Variants in TCF7L2 observed in about 807,000 individuals in gnomAD.
TCF7L2 encodes transcription factor 7 like 2, also known as transcription factor 7-like 2.
TCF7L2 carries 23 observed loss-of-function variants against 77.9 expected under a neutral mutation model. That is an observed-to-expected ratio of 0.30 (90% CI 0.21 to 0.42). The LOEUF (loss-of-function observed/expected upper bound fraction) is 0.42. Among genes scored for constraint, TCF7L2 ranks in the 10% least tolerant of loss-of-function variants. The probability of loss-of-function intolerance (pLI) is 1.00; values close to 1 mark genes in which losing one functional copy is unlikely to be tolerated. For synonymous variants in TCF7L2, 413 were observed against 340.2 expected (o/e 1.21, Z -2.36); for missense variants, 654 against 793.1 (o/e 0.82, Z 2.11).
At chr10:113,135,365 G>A (rs935536460) in intron 5 of TCF7L2, among the ~76,000 whole-genome samples, 2 of 152,156 alleles carry the variant, frequency 1.3e-5, no homozygotes, top group African/African-American at 4.8e-5. Context: ...TGCCTTGAGG[G>A]CTGTTAAAGG....
At chr10:112,964,745 GTGGTGGTGGTGGTGA>G (rs2036161884) in intron 4 of TCF7L2, 121 bp downstream of exon 4, 15 of 731,102 alleles carry the variant, frequency 2.1e-5, no homozygotes, top group African/African-American at 1.7e-4. Context: ...GATGATGGTG[GTGGTGGTGGTGGTGA>G]TGGTGGTGGT....
At chr10:113,005,875 G>T (rs1225494863) in intron 4 of TCF7L2, among the ~76,000 whole-genome samples, 2 of 152,166 alleles carry the variant, frequency 1.3e-5, no homozygotes, top group Admixed American at 6.5e-5. Flanking sequence ...TCTTTGAACT[G>T]TCTGGGCCGG....
At chr10:112,981,578 G>C (rs2040477731) in intron 4 of TCF7L2, among the ~76,000 whole-genome samples, 1 of 152,100 alleles carries the variant, frequency 6.6e-6, no homozygotes, top group Non-Finnish European at 1.5e-5. Context: ...TGGAATTTTT[G>C]GTCAAGATCA....
At chr10:113,051,238 CACACAGACACATACAT>C (rs1401142446) in intron 5 of TCF7L2, among the ~76,000 whole-genome samples, 3 of 143,058 alleles carry the variant, frequency 2.1e-5, no homozygotes, top group Non-Finnish European at 4.7e-5. Context: ...CACACACACA[CACACAGACACATACAT>C]ATGCACACAC....
In TCF7L2 at chr10:113,165,893, C is replaced by A. The variant is rs1408225958; in HGVS notation, c.1730C>A (p.Thr577Asn). Residue 577 changes from threonine (T) to asparagine (N), a missense_variant, in exon 14 of 14, where the codon ACT becomes AAT. Transcript: ENST00000627217. The stretch of plus-strand genomic sequence containing the variant: ...TCCTCATCAATTGCACAGCCGTCGA[C>A]TTCTTCCTTACATTCCCACAGCTCC... 6.2e-7 allele frequency: 1 copy of A among 1,600,778 alleles called. No homozygotes were observed. Among genetic ancestry groups the A allele is most frequent in the Non-Finnish European group, 8.5e-7 (1 of 1,172,744 alleles).
chr10:113,016,355 G>A (rs1264656314), intron 4 of TCF7L2, among the ~76,000 whole-genome samples: 7 of 152,130 alleles, frequency 4.6e-5, no homozygotes, highest in African/African-American at 1.4e-4. Context: ...GCATGAGCCT[G>A]GCTGGTGTAT....
chr10:113,036,680 CTTTCTTTCT>C (rs1185599300), intron 4 of TCF7L2, among the ~76,000 whole-genome samples: 1 of 151,816 alleles, frequency 6.6e-6, no homozygotes, highest in African/African-American at 2.4e-5. Flanking sequence ...TTCTTTCTTT[CTTTCTTTCT>C]TTTTTTTTAA....
At chr10:113,100,585 C>T (rs910785239) in intron 5 of TCF7L2, among the ~76,000 whole-genome samples, 3 of 152,124 alleles carry the variant, frequency 2.0e-5, no homozygotes, top group African/African-American at 7.2e-5. Flanking sequence ...ATTCTCTCAT[C>T]CTCCCCGCTG....
intron 3 of TCF7L2, among the ~76,000 whole-genome samples, chr10:112,961,171 G>A (rs1395297091): frequency 6.8e-6 from 1 of 146,664 alleles, no homozygotes; most frequent in African/African-American, 2.6e-5. Flanking sequence ...GCGCCACCAC[G>A]CCCGGCTAAT....
intron 5 of TCF7L2, among the ~76,000 whole-genome samples, chr10:113,084,553 G>A (rs1251052132): frequency 1.6e-4 from 25 of 152,136 alleles, no homozygotes; most frequent in Admixed American, 1.6e-3. Context: ...GAAACATCCA[G>A]AATAGTGTAT....
At chr10:113,165,127 A>G (rs1285533078) in intron 13 of TCF7L2, among the ~76,000 whole-genome samples, 1 of 152,208 alleles carries the variant, frequency 6.6e-6, no homozygotes, top group African/African-American at 2.4e-5. Context: ...ATGGGAGTGA[A>G]GGGCCGAGGA....
intron 4 of TCF7L2, among the ~76,000 whole-genome samples, chr10:112,965,845 T>C (rs1432907331): frequency 6.6e-6 from 1 of 152,140 alleles, no homozygotes; most frequent in East Asian, 1.9e-4. Flanking sequence ...TCCTAGTGTT[T>C]CTGTACTCAT....
At chr10:113,129,484 A>G in intron 5 of TCF7L2, 3 of 1,018,394 alleles carry the variant, frequency 2.9e-6, no homozygotes, top group Non-Finnish European at 3.5e-6. Flanking sequence ...AAGTAGAAGG[A>G]GTTTTTAAAA....
At position 112,976,874 on chromosome 10, in the gene TCF7L2, C is replaced by T; in HGVS notation, c.450+12250C>T. On this transcript the variant is annotated intron_variant, in intron 4 of 13. Transcript: ENST00000627217. ...GCTGTCTTAGAGACTATGGCATCAT[C>T]CAAACAGTGGTAACTATGGTTGGAC... is the stretch of plus-strand genomic sequence containing the variant. 1.3e-5 allele frequency among the ~76,000 whole-genome samples: 2 copies of T among 152,108 alleles called. 1 individual carries two copies.
chr10:113,161,679 C>A, intron 13 of TCF7L2: 1 of 1,482,876 alleles, frequency 6.7e-7, no homozygotes, highest in South Asian at 1.2e-5. Flanking sequence ...CCCTTCATGA[C>A]TTTGCCATGT....
Position 113,166,832 on chromosome 10 carries a change from T to C in TCF7L2, c.*860T>C, listed in dbSNP as rs78052345. 34 of 228,932 alleles carry C rather than the reference T, an allele frequency of 1.5e-4. No individual in the cohort carries two copies. The highest frequency in any genetic ancestry group is 2.5e-4 in the Non-Finnish European group (29 of 115,496). The allele number at this position is 228,932 out of a possible 1,614,324, so 14.2% of individuals were successfully genotyped here. ...GTTTCCCCTTTTTGACTTTTTTTTT[T>C]CTGTATGAAACCCAGATGTCACCAA... On this transcript the variant is annotated 3_prime_UTR_variant, in exon 14 of 14. Transcript: ENST00000627217.
intron 5 of TCF7L2, among the ~76,000 whole-genome samples, chr10:113,140,969 A>G (rs558380375): frequency 6.6e-6 from 1 of 152,278 alleles, no homozygotes; most frequent in South Asian, 2.1e-4. Context: ...TTAGTGGGGA[A>G]ATAAAAACTA....
At chr10:113,164,596 TAA>T (rs34634002) in intron 13 of TCF7L2, among the ~76,000 whole-genome samples, 153 of 141,336 alleles carry the variant, frequency 1.1e-3, no homozygotes, top group Middle Eastern at 7.2e-3. Context: ...CCCCAAATCT[TAA>T]AAAAAAAAAA....
intron 11 of TCF7L2, among the ~76,000 whole-genome samples, chr10:113,152,860 T>G (rs946821942): frequency 3.3e-5 from 5 of 152,184 alleles, no homozygotes; most frequent in African/African-American, 1.2e-4. Flanking sequence ...AGGAACAGAA[T>G]TTAATTCCTC....
Sources: allele counts gnomAD v4.1 joint callset (sites outside exome capture counted in the v4.1 genomes callset), GRCh38; gene constraint gnomAD v4.1.1; transcripts MANE v1.5; gene names NCBI Gene and HGNC (gene_info 2026-07-23, HGNC 2026-07-21).